MCM9: variants seen among roughly 807,000 people sequenced by gnomAD.
MCM9 encodes the protein minichromosome maintenance 9 homologous recombination repair factor, also known as DNA helicase MCM9.
MCM9 carries 55 observed loss-of-function variants against 72.8 expected under a neutral mutation model. That is an observed-to-expected ratio of 0.76 (90% CI 0.61 to 0.95). MCM9 has a LOEUF of 0.95. MCM9 is among the 40% of genes least tolerant of loss of function. MCM9 has a pLI of 0.00. For missense variants in MCM9, 1,279 were observed against 1,377.0 expected, an observed-to-expected ratio of 0.93 and a Z score of 1.13; for synonymous variants, 480 against 503.4, an observed-to-expected ratio of 0.95 and a Z score of 0.62.
In MCM9 at chr6:118,814,230, T is replaced by C. The variant is rs551287871; in HGVS notation, c.*594A>G. On this transcript the variant is annotated 3_prime_UTR_variant, in exon 14 of 14. Transcript: ENST00000619706. ...AGTGGCCAGATCTCTAAGAACATCA[T>C]GGAATTGTAAGGATACCTCTCAAAG... The C allele has an allele frequency of 6.6e-6, 1 of 152,142 alleles. No homozygotes were observed. Among genetic ancestry groups the C allele is most frequent in the Non-Finnish European group, 1.5e-5 (1 of 68,028 alleles). The allele number at this position is 152,142 out of a possible 1,614,324, so 9.4% of individuals were successfully genotyped here.
chr6:118,858,862 G>C (rs1174885545), intron 8 of MCM9, among the ~76,000 whole-genome samples: 6 of 152,064 alleles, frequency 3.9e-5, no homozygotes, highest in African/African-American at 1.2e-4. Flanking sequence ...TCCCCAAACT[G>C]TTCTGTAGTT....
In MCM9 at chr6:118,901,948, C is replaced by T. The variant is rs1323858992; in HGVS notation, c.1150+9702G>A. 2.0e-5 allele frequency among the ~76,000 whole-genome samples: 3 copies of T among 152,154 alleles called. No homozygotes were observed. In the East Asian group the frequency reaches 5.8e-4, roughly 29 times the overall value. On this transcript the variant is annotated intron_variant, in intron 8 of 13. Coordinates refer to ENST00000619706, the MANE Select transcript of MCM9 (RefSeq NM_017696.3). ...AAAGAATCACTTAGACACATGCCATCTCTAGAGCTGCTACCTTTCCCTCCC... is the reference window on the plus strand; with the variant it reads ...AAAGAATCACTTAGACACATGCCATTTCTAGAGCTGCTACCTTTCCCTCCC...
intron 4 of MCM9, 141 bp downstream of exon 4, chr6:118,923,670 G>C (rs868336288): frequency 5.0e-5 from 35 of 706,714 alleles, no homozygotes; most frequent in Middle Eastern, 8.1e-4. Context: ...GATATATGTG[G>C]AACAGTTTCG....
chr6:118,838,923 C>T (rs571663563), intron 9 of MCM9, among the ~76,000 whole-genome samples: 1 of 152,108 alleles, frequency 6.6e-6, no homozygotes, highest in African/African-American at 2.4e-5. Flanking sequence ...TTGTTCTTCT[C>T]GAGGAGTATC....
chr6:118,916,461 T>C (rs1228091922), intron 6 of MCM9, among the ~76,000 whole-genome samples: 2 of 147,990 alleles, frequency 1.4e-5, no homozygotes, highest in African/African-American at 4.9e-5. Context: ...ATTATTATTA[T>C]TATTATTATT....
chr6:118,853,445 G>A (rs1356900881), intron 9 of MCM9, among the ~76,000 whole-genome samples: 4 of 151,862 alleles, frequency 2.6e-5, no homozygotes, highest in Non-Finnish European at 4.4e-5. Flanking sequence ...AGCTTGTTGG[G>A]ATTTTTTTTT....
intron 8 of MCM9, among the ~76,000 whole-genome samples, chr6:118,885,991 GCAAGGTT>G (rs2114419613): frequency 6.6e-6 from 1 of 151,778 alleles, no homozygotes; most frequent in Non-Finnish European, 1.5e-5. Flanking sequence ...CTCCAGGAAT[GCAAGGTT>G]CATTTAACAC....
chr6:118,874,688 G>T (rs1268987953), intron 8 of MCM9, among the ~76,000 whole-genome samples: 1 of 152,194 alleles, frequency 6.6e-6, no homozygotes, highest in Non-Finnish European at 1.5e-5. Context: ...TAGGATGTCT[G>T]AACAAACTGA....
At chr6:118,844,177 T>C (rs1337324989) in intron 9 of MCM9, among the ~76,000 whole-genome samples, 2 of 151,852 alleles carry the variant, frequency 1.3e-5, no homozygotes, top group African/African-American at 4.9e-5. Context: ...CTAGAGACAT[T>C]TTCTCAAGAG....
intron 9 of MCM9, among the ~76,000 whole-genome samples, chr6:118,850,313 G>A (rs1289176371): frequency 6.6e-6 from 1 of 151,680 alleles, no homozygotes; most frequent in Non-Finnish European, 1.5e-5. Flanking sequence ...AACTATTTTG[G>A]AGATGTAAAT....
chr6:118,859,157 G>C (rs1158834046), intron 8 of MCM9, among the ~76,000 whole-genome samples: 1 of 152,118 alleles, frequency 6.6e-6, no homozygotes, highest in Admixed American at 6.5e-5. Flanking sequence ...CAATTCAATG[G>C]AGAAAAGATA....
At chr6:118,824,527 T>A (rs1261657011) in intron 13 of MCM9, among the ~76,000 whole-genome samples, 1 of 152,178 alleles carries the variant, frequency 6.6e-6, no homozygotes, top group Non-Finnish European at 1.5e-5. Flanking sequence ...CAGGCTGGTC[T>A]TGAACTCCTG....
Position 118,829,265 on chromosome 6 carries a change from A to C in MCM9, c.1326-15T>G. The C allele has an allele frequency of 6.5e-7, 1 of 1,534,418 alleles. No homozygotes were observed. Among genetic ancestry groups the C allele is most frequent in the Non-Finnish European group, 8.8e-7 (1 of 1,134,890 alleles). ...TGCACACGAGGCTGCCAGGAGAGAC[A>C]GTACAATTCACTGATTGTGAGGTTC... is the stretch of plus-strand genomic sequence containing the variant. On this transcript the variant is annotated splice_polypyrimidine_tract_variant and intron_variant, in intron 9 of 13. Coordinates refer to ENST00000619706, the MANE Select transcript of MCM9 (RefSeq NM_017696.3).
intron 5 of MCM9, 91 bp from the exon 6 acceptor site, chr6:118,917,852 C>T: frequency 9.0e-7 from 1 of 1,111,666 alleles, no homozygotes; most frequent in South Asian, 1.3e-5. Context: ...TAGAAATAAA[C>T]CACTCCCTTA....
rs998754138 is a variant in MCM9, at chr6:118,826,998, C to T, written c.1733-134G>A. 9.2e-5 allele frequency: 64 copies of T among 692,228 alleles called. No homozygotes were observed. In the Admixed American group the frequency reaches 1.6e-3, roughly 17 times the overall value. The allele number at this position is 692,228 out of a possible 1,614,324, so 42.9% of individuals were successfully genotyped here. A position where few individuals can be genotyped will look rare whatever the true frequency, so the allele number is the denominator to read the frequency against. On this transcript the variant is annotated intron_variant, in intron 11 of 13. Coordinates refer to ENST00000619706, the MANE Select transcript of MCM9 (RefSeq NM_017696.3). ...CAACATAATTTTACTAGAACAAGCACAAAAGTCAACATTCAACTAGCTTTA... is the reference window on the plus strand; with the variant it reads ...CAACATAATTTTACTAGAACAAGCATAAAAGTCAACATTCAACTAGCTTTA...
At position 118,931,620 on chromosome 6, in the gene MCM9, T is replaced by A. The variant is rs775655643; in HGVS notation, c.104A>T (p.Asp35Val). ...ATTAACCACAACTGGGTAATGAGCA[T>A]CTTCATCCCTTTCCTTCAAGATTAG... is the stretch of plus-strand genomic sequence containing the variant. ...ILLILKERDE[D>V]AHYPVVVNAM... The change falls in exon 3 of 14, where the codon GAT becomes GTT. Residue 35 changes from aspartate (D) to valine (V), a missense_variant. Transcript: ENST00000619706. 7 of 1,614,174 alleles carry A rather than the reference T, an allele frequency of 4.3e-6. No homozygotes were observed. The highest frequency in any genetic ancestry group is 5.1e-6 in the Non-Finnish European group (6 of 1,180,034).
chr6:118,853,563 G>T (rs1382627839), intron 9 of MCM9, among the ~76,000 whole-genome samples: 1 of 152,100 alleles, frequency 6.6e-6, no homozygotes, highest in Non-Finnish European at 1.5e-5. Flanking sequence ...GCTCTGAAAG[G>T]CCGAGGCAAG....
intron 8 of MCM9, among the ~76,000 whole-genome samples, chr6:118,892,152 T>C (rs908005235): frequency 2.6e-5 from 4 of 152,224 alleles, no homozygotes; most frequent in Middle Eastern, 3.2e-3. Flanking sequence ...GAGGAAACTA[T>C]TGAACAAAGT....
At chr6:118,871,367 G>A (rs908785971) in intron 8 of MCM9, among the ~76,000 whole-genome samples, 1 of 151,972 alleles carries the variant, frequency 6.6e-6, no homozygotes, top group African/African-American at 2.4e-5. Context: ...ACAAAATGAA[G>A]GACAAAAACC....
Sources: allele counts gnomAD v4.1 joint callset (sites outside exome capture counted in the v4.1 genomes callset), GRCh38; gene constraint gnomAD v4.1.1; transcripts MANE v1.5; gene names NCBI Gene and HGNC (gene_info 2026-07-23, HGNC 2026-07-21).